Variants in RPH3A observed in about 807,000 individuals in gnomAD.
RPH3A encodes the protein rabphilin-3A.
RPH3A carries 48 observed loss-of-function variants against 102.2 expected under a neutral mutation model. The ratio of observed to expected loss-of-function variants is 0.47; its 90% CI spans 0.37 to 0.60. The LOEUF (loss-of-function observed/expected upper bound fraction) is 0.60, where lower values mean the gene tolerates loss of function less well. Ranked by LOEUF, RPH3A falls within the 20% of genes least tolerant of loss-of-function variation. The pLI is 0.00. For missense variants in RPH3A, 781 were observed against 910.1 expected (o/e 0.86, Z 1.83); for synonymous variants, 310 against 324.3 (o/e 0.96, Z 0.47).
intron 1 of RPH3A, among the ~76,000 whole-genome samples, chr12:112,738,176 T>G (rs1327012043): frequency 6.8e-6 from 1 of 146,016 alleles, no homozygotes; most frequent in Non-Finnish European, 1.5e-5. Flanking sequence ...TTCCTCTTCT[T>G]TTATAGTTAG....
At chr12:112,739,650 A>C (rs2040694315) in intron 1 of RPH3A, among the ~76,000 whole-genome samples, 2 of 152,202 alleles carry the variant, frequency 1.3e-5, no homozygotes, top group African/African-American at 4.8e-5. Context: ...TGGCTAAGGC[A>C]CTTACCAGCC....
chr12:112,848,870 G>A (rs1164662829), intron 5 of RPH3A, among the ~76,000 whole-genome samples: 1 of 152,032 alleles, frequency 6.6e-6, no homozygotes, highest in Admixed American at 6.6e-5. Flanking sequence ...AAGGGAGTGA[G>A]GGTATGTGTT....
At position 112,841,562 on chromosome 12, in the gene RPH3A, C is replaced by A. The variant is rs927171599; in HGVS notation, c.83+5060C>A. Reference sequence around the variant, plus strand: ...ATTCAACAAGAGAGTAAATGTAAACCCTATGATACAAATATTATTAACTCC... The same window carrying A: ...ATTCAACAAGAGAGTAAATGTAAACACTATGATACAAATATTATTAACTCC... On this transcript the variant is annotated intron_variant, in intron 4 of 21. Coordinates refer to ENST00000389385, the MANE Select transcript of RPH3A (RefSeq NM_001143854.2). 2.6e-4 allele frequency among the ~76,000 whole-genome samples: 40 copies of A among 151,858 alleles called. 2 individuals carry two copies. Among genetic ancestry groups the A allele is most frequent in the Non-Finnish European group, 4.7e-4 (32 of 67,980 alleles).
chr12:112,669,751 C>T (rs1302974000), intron 1 of RPH3A, among the ~76,000 whole-genome samples: 1 of 149,844 alleles, frequency 6.7e-6, no homozygotes, highest in Non-Finnish European at 1.5e-5. Flanking sequence ...GTTTTCTTTG[C>T]TAATATATCT....
chr12:112,728,624 C>G (rs975545196), intron 1 of RPH3A, among the ~76,000 whole-genome samples: 1 of 152,140 alleles, frequency 6.6e-6, no homozygotes. Context: ...TACCACCCAC[C>G]TTGGAGGTGG....
chr12:112,606,412 G>A (rs931527149), intron 1 of RPH3A, among the ~76,000 whole-genome samples: 1 of 151,904 alleles, frequency 6.6e-6, no homozygotes, highest in African/African-American at 2.4e-5. Flanking sequence ...TTTTTGAGAT[G>A]GAGTCTGTCA....
intron 2 of RPH3A, among the ~76,000 whole-genome samples, chr12:112,796,972 C>T (rs1274229212): frequency 2.0e-5 from 3 of 152,108 alleles, no homozygotes; most frequent in African/African-American, 7.2e-5. Flanking sequence ...ATTACTTGAA[C>T]CCGGGAGATA....
chr12:112,740,161 A>G lies in RPH3A; in HGVS notation c.-139-51982A>G, dbSNP rs1396322717. 3.9e-5 allele frequency among the ~76,000 whole-genome samples: 6 copies of G among 152,142 alleles called. No individual in the cohort carries two copies. The South Asian group carries it at 8.3e-4, about 21-fold the overall frequency. ...TGCTTCTTTTAGCCTTGATTTCCCT[A>G]TCCGTAAAATGGAGATAATAATAGT... On this transcript the variant is annotated intron_variant, in intron 1 of 21. Transcript: ENST00000543106.
At chr12:112,780,129 C>T (rs890193157) in intron 1 of RPH3A, among the ~76,000 whole-genome samples, 2 of 152,150 alleles carry the variant, frequency 1.3e-5, no homozygotes, top group African/African-American at 4.8e-5. Context: ...GTCTGTTCTT[C>T]CTTTTCTCCC....
intron 1 of RPH3A, among the ~76,000 whole-genome samples, chr12:112,712,887 TCTTCTTCTTCTTCTTCCTC>T (rs2040473729): frequency 1.5e-5 from 2 of 137,398 alleles, no homozygotes; most frequent in African/African-American, 6.0e-5. Flanking sequence ...TTTTTCTTCT[TCTTCTTCTTCTTCTTCCTC>T]TTCTTCTTCT....
At chr12:112,691,536 TC>T (rs1424504447) in intron 1 of RPH3A, among the ~76,000 whole-genome samples, 1 of 152,244 alleles carries the variant, frequency 6.6e-6, no homozygotes, top group African/African-American at 2.4e-5. Context: ...GAACACTGCA[TC>T]CCTTAGTGCC....
chr12:112,792,560 G>A (rs2041142018), intron 2 of RPH3A, among the ~76,000 whole-genome samples: 1 of 152,248 alleles, frequency 6.6e-6, no homozygotes, highest in Admixed American at 6.5e-5. Flanking sequence ...AGAAGCTGGT[G>A]AAAGTAGCCG....
At chr12:112,836,455 AT>A in intron 3 of RPH3A, 35 bp from the exon 4 acceptor site, 4 of 1,290,216 alleles carry the variant, frequency 3.1e-6, no homozygotes, top group Admixed American at 2.2e-5. Flanking sequence ...AACTTTATTC[AT>A]TTTTTCTTTC....
chr12:112,629,848 T>G (rs1194604398), intron 1 of RPH3A, among the ~76,000 whole-genome samples: 3 of 152,148 alleles, frequency 2.0e-5, no homozygotes, highest in Non-Finnish European at 4.4e-5. Context: ...TGCTAACATC[T>G]TTACATAAAC....
At chr12:112,877,306 T>A (rs2042819623) in intron 13 of RPH3A, among the ~76,000 whole-genome samples, 1 of 152,158 alleles carries the variant, frequency 6.6e-6, no homozygotes, top group South Asian at 2.1e-4. Flanking sequence ...AATCATGATT[T>A]AAAATTTACT....
intron 1 of RPH3A, among the ~76,000 whole-genome samples, chr12:112,774,381 G>A (rs899531951): frequency 6.6e-6 from 1 of 152,184 alleles, no homozygotes; most frequent in African/African-American, 2.4e-5. Flanking sequence ...TATGGAAAGA[G>A]AACATTAAAC....
intron 1 of RPH3A, among the ~76,000 whole-genome samples, chr12:112,690,700 G>C (rs1289987058): frequency 6.6e-6 from 1 of 152,176 alleles, no homozygotes; most frequent in Admixed American, 6.5e-5. Flanking sequence ...ACGAGATCAG[G>C]GTTCCTGCCT....
intron 1 of RPH3A, among the ~76,000 whole-genome samples, chr12:112,750,280 G>A (rs1336153190): frequency 6.6e-6 from 1 of 152,236 alleles, no homozygotes; most frequent in African/African-American, 2.4e-5. Flanking sequence ...AGAGATCCAA[G>A]TGTAAGTGGT....
chr12:112,638,370 AC>A (rs561498408), intron 1 of RPH3A, among the ~76,000 whole-genome samples: 67 of 152,316 alleles, frequency 4.4e-4, no homozygotes, highest in African/African-American at 1.6e-3. Context: ...GAAGATAGCT[AC>A]TTGGCACCAG....
Sources: allele counts gnomAD v4.1 joint callset (sites outside exome capture counted in the v4.1 genomes callset), GRCh38; gene constraint gnomAD v4.1.1; transcripts MANE v1.5; gene names NCBI Gene and HGNC (gene_info 2026-07-23, HGNC 2026-07-21).